Variants in SINHCAF observed in about 807,000 individuals in gnomAD.
SINHCAF encodes SIN3-HDAC complex associated factor.
SINHCAF carries 3 observed loss-of-function variants against 25.8 expected under a neutral mutation model. The ratio of observed to expected loss-of-function variants is 0.12; its 90% CI spans 0.05 to 0.30. SINHCAF has a LOEUF of 0.30. Ranked by LOEUF, SINHCAF falls within the 10% of genes least tolerant of loss-of-function variation. The probability of loss-of-function intolerance (pLI) is 1.00; values close to 1 mark genes in which losing one functional copy is unlikely to be tolerated. For missense variants in SINHCAF, 121 were observed against 262.3 expected, an observed-to-expected ratio of 0.46 and a Z score of 3.72; for synonymous variants, 70 against 85.5, an observed-to-expected ratio of 0.82 and a Z score of 1.00.
rs1186710823 is a variant in SINHCAF at position 31,325,784 on chromosome 12, T to G, written c.-21+240A>C. On this transcript the variant is annotated intron_variant, in intron 1 of 5. Coordinates refer to ENST00000337682, the MANE Select transcript of SINHCAF (RefSeq NM_001135812.2). This position sits in a 1 kb window ranked among gnomAD's most constrained non-coding sequence, Gnocchi z 5.9. ...ACTTCCCCGCCCCGAGACTTTCGGT[T>G]TGCCTCAAATACCCTCCCCAATTAA... 1 of 156,002 alleles carries G rather than the reference T, an allele frequency of 6.4e-6. No homozygotes were observed. Among genetic ancestry groups the G allele is most frequent in the Non-Finnish European group, 1.4e-5 (1 of 70,464 alleles). The allele number at this position is 156,002 out of a possible 1,614,324, so 9.7% of individuals were successfully genotyped here.
intron 1 of SINHCAF, among the ~76,000 whole-genome samples, chr12:31,306,051 G>A (rs985305700): frequency 2.6e-5 from 4 of 152,174 alleles, no homozygotes; most frequent in Non-Finnish European, 5.9e-5. Flanking sequence ...TTCCCCTATT[G>A]CTGTGAAGTT....
intron 5 of SINHCAF, among the ~76,000 whole-genome samples, chr12:31,285,774 A>C (rs1317891101): frequency 6.6e-6 from 1 of 152,086 alleles, no homozygotes; most frequent in African/African-American, 2.4e-5. Context: ...CTAGAAGTTC[A>C]AGACCAGCCT....
intron 1 of SINHCAF, among the ~76,000 whole-genome samples, chr12:31,305,849 G>A (rs1341812752): frequency 1.3e-5 from 2 of 152,012 alleles, no homozygotes; most frequent in African/African-American, 4.8e-5. Flanking sequence ...ACAGGCGTGC[G>A]CCACGATGCC....
At chr12:31,321,330 C>A (rs955505503) in intron 1 of SINHCAF, among the ~76,000 whole-genome samples, 11 of 152,148 alleles carry the variant, frequency 7.2e-5, no homozygotes, top group African/African-American at 2.7e-4. Flanking sequence ...ATGGTTGAAT[C>A]AGAATTGAAA....
rs200895296 is a variant in SINHCAF at position 31,312,040 on chromosome 12, A to AGGATGGT, written c.-20-13823_-20-13817dup. ...GGAGAAGTAACTTTTGATCAGAAAG[A>AGGATGGT]GGATGGTACCAGCAGTCTACAGGTG... On this transcript the variant is annotated intron_variant, in intron 1 of 5. Coordinates refer to ENST00000337682, the MANE Select transcript of SINHCAF (RefSeq NM_001135812.2). 3.2e-3 allele frequency: 1,878 copies of AGGATGGT among 590,112 alleles called. 24 individuals are homozygous for AGGATGGT. The highest frequency in any genetic ancestry group is 0.031 in the African/African-American group (1,661 of 53,666). 36.6% of individuals were successfully genotyped at this position (590,112 alleles called of 1,614,324 possible).
chr12:31,320,095 T>TC (rs1268036139), intron 1 of SINHCAF, among the ~76,000 whole-genome samples: 1 of 152,220 alleles, frequency 6.6e-6, no homozygotes, highest in Non-Finnish European at 1.5e-5. Context: ...GTAACTGACT[T>TC]CCCTACATCC....
chr12:31,285,332 G>A (rs1364175216), intron 5 of SINHCAF, among the ~76,000 whole-genome samples: 1 of 151,674 alleles, frequency 6.6e-6, no homozygotes, highest in East Asian at 1.9e-4. Context: ...AGGTTGCAGT[G>A]AGCCAAGATC....
At position 31,287,797 on chromosome 12, in the gene SINHCAF, T is replaced by C; in HGVS notation, c.356-13A>G. 1 of 1,556,384 alleles carries C rather than the reference T, an allele frequency of 6.4e-7. No individual in the cohort carries two copies. The highest frequency in any genetic ancestry group is 8.7e-7 in the Non-Finnish European group (1 of 1,145,212). ...TGAGCATCAGAATCTGCAATAAAGA[T>C]TAAGAGAAAAAATAAAATTTTCAAT... On this transcript the variant is annotated splice_polypyrimidine_tract_variant and intron_variant, in intron 4 of 5. Transcript: ENST00000337682.
At position 31,314,825 on chromosome 12, in the gene SINHCAF, A is replaced by T. The variant is rs754463234; in HGVS notation, c.-21+11199T>A. Among the ~76,000 whole-genome samples, 175 of 152,168 alleles carry T rather than the reference A, an allele frequency of 1.2e-3. 2 individuals carry two copies. The highest frequency in any genetic ancestry group is 2.5e-4 in the Non-Finnish European group (17 of 68,024). On this transcript the variant is annotated intron_variant, in intron 1 of 5. Transcript: ENST00000337682. Reference sequence around the variant, plus strand: ...CTGCATTTAGGCCATTGTGATGTGGAGTCATTCTTCAGTCATCCTGGTCCA... The same window carrying T: ...CTGCATTTAGGCCATTGTGATGTGGTGTCATTCTTCAGTCATCCTGGTCCA...
Position 31,293,024 on chromosome 12 carries a change from A to C in SINHCAF, c.355+781T>G, listed in dbSNP as rs116477758. ...TGGCCACAAAATCTGGCATGACCTA[A>C]ACTATGACTATAAGCAGACAAACCT... On this transcript the variant is annotated intron_variant, in intron 4 of 5. Coordinates refer to ENST00000337682, the MANE Select transcript of SINHCAF (RefSeq NM_001135812.2). Among the ~76,000 whole-genome samples, 670 of 152,294 alleles carry C rather than the reference A, an allele frequency of 4.4e-3. 6 individuals carry two copies. Among genetic ancestry groups the C allele is most frequent in the African/African-American group, 0.015 (642 of 41,564 alleles).
At chr12:31,296,119 T>C (rs1270429146) in intron 2 of SINHCAF, among the ~76,000 whole-genome samples, 1 of 152,100 alleles carries the variant, frequency 6.6e-6, no homozygotes, top group African/African-American at 2.4e-5. Context: ...GTTTTAAACA[T>C]TGCTGTTTAA....
chr12:31,317,973 G>C (rs994109438), intron 1 of SINHCAF, among the ~76,000 whole-genome samples: 6 of 152,188 alleles, frequency 3.9e-5, no homozygotes, highest in African/African-American at 1.4e-4. Flanking sequence ...TGATGGGAAA[G>C]GAAAAGAAAT....
Position 31,282,882 on chromosome 12 carries a change from A to C in SINHCAF, c.507-11T>G. 1 of 1,583,684 alleles carries C rather than the reference A, an allele frequency of 6.3e-7. No homozygotes were observed. Among genetic ancestry groups the C allele is most frequent in the South Asian group, 1.2e-5 (1 of 85,952 alleles). On this transcript the variant is annotated splice_polypyrimidine_tract_variant and intron_variant, in intron 5 of 5. Coordinates refer to ENST00000337682, the MANE Select transcript of SINHCAF (RefSeq NM_001135812.2). Reference sequence around the variant, plus strand: ...CAACATATCTTCTGTCTAAAAGAAAAAATGGAGAACAAGATACATTAATAA... The same window carrying C: ...CAACATATCTTCTGTCTAAAAGAAACAATGGAGAACAAGATACATTAATAA...
chr12:31,324,000 G>A (rs564065443), intron 1 of SINHCAF: 3 of 455,540 alleles, frequency 6.6e-6, no homozygotes, highest in African/African-American at 4.0e-5. Context: ...GAGAGACGCC[G>A]AGCCAGCAAG....
intron 1 of SINHCAF, among the ~76,000 whole-genome samples, chr12:31,318,339 A>C (rs1939571239): frequency 6.6e-6 from 1 of 152,186 alleles, no homozygotes; most frequent in African/African-American, 2.4e-5. Context: ...AGCTAACTTT[A>C]AGGGATAAAT....
intron 2 of SINHCAF, among the ~76,000 whole-genome samples, chr12:31,296,156 T>C (rs1938540722): frequency 1.3e-5 from 2 of 152,044 alleles, no homozygotes; most frequent in South Asian, 4.2e-4. Context: ...TGTGTAAATA[T>C]ATTTCTTTTT....
chr12:31,294,137 G>A (rs903673490), intron 3 of SINHCAF, among the ~76,000 whole-genome samples: 188 of 152,214 alleles, frequency 1.2e-3, no homozygotes, highest in African/African-American at 4.3e-3. Context: ...CCTGTGAAGT[G>A]GGTAATAGTG....
At chr12:31,297,674 T>C (rs557833483) in intron 2 of SINHCAF, among the ~76,000 whole-genome samples, 1 of 152,020 alleles carries the variant, frequency 6.6e-6, no homozygotes, top group Non-Finnish European at 1.5e-5. Flanking sequence ...GGTTTCACCA[T>C]GTTGGCCAGG....
At chr12:31,299,443 A>G (rs541464278) in intron 1 of SINHCAF, among the ~76,000 whole-genome samples, 50 of 151,922 alleles carry the variant, frequency 3.3e-4, no homozygotes, top group African/African-American at 1.1e-3. Context: ...CAGCCTCCCT[A>G]GTAGCTGGGA....
Sources: gnomAD v4.1 joint callset for allele counts (sites outside exome capture counted in the v4.1 genomes callset) on GRCh38, gnomAD v4.1.1 for gene constraint, Gnocchi (gnomAD v3.1) non-coding constraint, MANE v1.5 for transcripts, NCBI Gene and HGNC (gene_info 2026-07-23, HGNC 2026-07-21) for gene names.